Variants in ZBTB20 observed in about 807,000 individuals in gnomAD.
ZBTB20 encodes the protein zinc finger and BTB domain-containing protein 20.
ZBTB20 carries 9 observed loss-of-function variants against 56.9 expected under a neutral mutation model. The ratio of observed to expected loss-of-function variants is 0.16; its 90% CI spans 0.10 to 0.28. The LOEUF is 0.28. Among genes scored for constraint, ZBTB20 ranks in the 10% least tolerant of loss-of-function variants. The pLI is 1.00. For synonymous variants in ZBTB20, 417 were observed against 420.7 expected, an observed-to-expected ratio of 0.99 and a Z score of 0.11; for missense variants, 655 against 1,003.0, an observed-to-expected ratio of 0.65 and a Z score of 4.69.
At chr3:114,487,262 A>C (rs1030153157) in intron 7 of ZBTB20, among the ~76,000 whole-genome samples, 2 of 152,150 alleles carry the variant, frequency 1.3e-5, no homozygotes, top group African/African-American at 4.8e-5. Context: ...CATGGTCTCC[A>C]AGGGCACTGC....
intron 6 of ZBTB20, among the ~76,000 whole-genome samples, chr3:114,579,287 A>C (rs2054403618): frequency 6.8e-6 from 1 of 147,180 alleles, no homozygotes; most frequent in African/African-American, 2.7e-5. Context: ...AATAAATAAT[A>C]AAAATAGAGC....
At chr3:114,803,673 T>C (rs2071883102) in intron 4 of ZBTB20, among the ~76,000 whole-genome samples, 1 of 151,790 alleles carries the variant, frequency 6.6e-6, no homozygotes, top group Admixed American at 6.6e-5. Context: ...AAAAGACTGG[T>C]CATCAAGGAT....
At chr3:114,644,287 A>G (rs1330611874) in intron 6 of ZBTB20, among the ~76,000 whole-genome samples, 1 of 152,120 alleles carries the variant, frequency 6.6e-6, no homozygotes, top group East Asian at 1.9e-4. Flanking sequence ...TTAGAAATCT[A>G]TTGGTATTAT....
At chr3:114,802,516 TC>T (rs2071791407) in intron 4 of ZBTB20, among the ~76,000 whole-genome samples, 1 of 151,680 alleles carries the variant, frequency 6.6e-6, no homozygotes, top group Non-Finnish European at 1.5e-5. Flanking sequence ...ACTAAACTTT[TC>T]CCCCTCCTCT....
chr3:114,506,424 G>A (rs1286584506), intron 6 of ZBTB20, among the ~76,000 whole-genome samples: 8 of 152,094 alleles, frequency 5.3e-5, no homozygotes, highest in African/African-American at 1.9e-4. Context: ...GATTCTTACG[G>A]GGATAGGGTC....
intron 7 of ZBTB20, among the ~76,000 whole-genome samples, chr3:114,461,208 C>A (rs145641498): frequency 6.6e-6 from 1 of 152,008 alleles, no homozygotes; most frequent in Admixed American, 6.6e-5. Context: ...TAGACCCCCA[C>A]CCCACATTTT....
intron 7 of ZBTB20, among the ~76,000 whole-genome samples, chr3:114,464,422 C>T (rs2092456657): frequency 6.6e-6 from 1 of 152,148 alleles, no homozygotes; most frequent in Admixed American, 6.5e-5. Context: ...AGTCATTCTG[C>T]ACAGTGATGG....
intron 5 of ZBTB20, among the ~76,000 whole-genome samples, chr3:114,732,722 C>T (rs569305803): frequency 1.3e-5 from 2 of 152,248 alleles, no homozygotes; most frequent in South Asian, 2.1e-4. Context: ...CACATAGCCA[C>T]GACCTTTACC....
At chr3:114,979,897 T>C (rs2078262191) in intron 2 of ZBTB20, among the ~76,000 whole-genome samples, 1 of 152,020 alleles carries the variant, frequency 6.6e-6, no homozygotes, top group African/African-American at 2.4e-5. Context: ...GAACATTTCA[T>C]AAGATTGGTC....
chr3:115,017,330 G>A (rs2080010072), intron 2 of ZBTB20, among the ~76,000 whole-genome samples: 1 of 151,574 alleles, frequency 6.6e-6, no homozygotes, highest in South Asian at 2.1e-4. Context: ...CAAGGGAAGT[G>A]AAGGACCTCT....
At chr3:115,003,034 C>T (rs533890164) in intron 2 of ZBTB20, among the ~76,000 whole-genome samples, 60 of 151,664 alleles carry the variant, frequency 4.0e-4, no homozygotes, top group African/African-American at 1.4e-3. Flanking sequence ...GTGCATACTG[C>T]TAAATGAAAT....
Position 114,527,204 on chromosome 3 carries a change from AT to A in ZBTB20, c.-294-26814del, listed in dbSNP as rs1163306843. 3.9e-5 allele frequency: 6 copies of A among 152,298 alleles called. No individual in the cohort carries two copies. In the East Asian group the frequency reaches 1.2e-3, roughly 29 times the overall value. The allele number at this position is 152,298 out of a possible 1,614,324, so 9.4% of individuals were successfully genotyped here. On this transcript the variant is annotated intron_variant, in intron 6 of 11. Transcript: ENST00000675478. ...AATAAAAGAAGGCCAAAATGTAATGATTGTCTTGTTACTGCAGTGGCCACTA... is the reference window on the plus strand; with the variant it reads ...AATAAAAGAAGGCCAAAATGTAATGATGTCTTGTTACTGCAGTGGCCACTA...
At chr3:114,525,574 C>T (rs1459401988) in intron 6 of ZBTB20, among the ~76,000 whole-genome samples, 1 of 152,138 alleles carries the variant, frequency 6.6e-6, no homozygotes, top group Non-Finnish European at 1.5e-5. Context: ...TTTCTCCCTC[C>T]TCTAAAATCC....
chr3:115,086,173 C>A (rs944148744), intron 1 of ZBTB20, among the ~76,000 whole-genome samples: 2 of 151,764 alleles, frequency 1.3e-5, no homozygotes. Context: ...TATTTGTCCC[C>A]GGGATTACCT....
intron 7 of ZBTB20, among the ~76,000 whole-genome samples, chr3:114,443,815 A>G (rs1488084021): frequency 6.6e-6 from 1 of 152,202 alleles, no homozygotes; most frequent in African/African-American, 2.4e-5. Context: ...GAATTCTTAT[A>G]GTATCCTAGG....
chr3:114,995,190 G>A (rs1383238544), intron 2 of ZBTB20, among the ~76,000 whole-genome samples: 1 of 151,788 alleles, frequency 6.6e-6, no homozygotes, highest in Non-Finnish European at 1.5e-5. Flanking sequence ...GTAAACACAA[G>A]GGAACTTCAA....
intron 5 of ZBTB20, among the ~76,000 whole-genome samples, chr3:114,754,393 A>T (rs1224299479): frequency 6.6e-6 from 1 of 152,176 alleles, no homozygotes; most frequent in Non-Finnish European, 1.5e-5. Context: ...GTTTTGGGAG[A>T]TAAAATCTCC....
intron 2 of ZBTB20, among the ~76,000 whole-genome samples, chr3:115,019,714 G>T (rs1183993848): frequency 6.6e-6 from 1 of 151,254 alleles, no homozygotes; most frequent in Non-Finnish European, 1.5e-5. Flanking sequence ...AATGCAGGTG[G>T]AAGATGTCTG....
intron 3 of ZBTB20, among the ~76,000 whole-genome samples, chr3:114,963,797 GC>G (rs1220482228): frequency 6.6e-6 from 1 of 151,842 alleles, no homozygotes; most frequent in African/African-American, 2.4e-5. Context: ...CAACTTTGTT[GC>G]TGTGTATAAG....
Sources: gnomAD v4.1 joint callset for allele counts (sites outside exome capture counted in the v4.1 genomes callset) on GRCh38, gnomAD v4.1.1 for gene constraint, MANE v1.5 for transcripts, NCBI Gene and HGNC (gene_info 2026-07-23, HGNC 2026-07-21) for gene names.